The following SKAP1 variants were observed in gnomAD, a reference collection of about 807,000 sequenced individuals.
SKAP1 encodes src kinase associated phosphoprotein 1.
In SKAP1, 44 loss-of-function variants were observed where a neutral mutation model predicts 58.5. The ratio of observed to expected loss-of-function variants is 0.75; its 90% CI spans 0.59 to 0.97. The LOEUF is 0.97. Ranked by LOEUF, SKAP1 falls within the 50% of genes least tolerant of loss-of-function variation. SKAP1 has a pLI of 0.00. For missense variants in SKAP1, 390 were observed against 435.2 expected (o/e 0.90, Z 0.92); for synonymous variants, 127 against 149.7 (o/e 0.85, Z 1.11).
At chr17:48,379,739 T>A (rs1010650311) in intron 2 of SKAP1, among the ~76,000 whole-genome samples, 2 of 150,558 alleles carry the variant, frequency 1.3e-5, no homozygotes, top group Admixed American at 6.7e-5. Flanking sequence ...TGGAGTGCAG[T>A]GGCATAATCT....
At chr17:48,241,575 T>C (rs1486857753) in intron 4 of SKAP1, among the ~76,000 whole-genome samples, 1 of 152,082 alleles carries the variant, frequency 6.6e-6, no homozygotes, top group African/African-American at 2.4e-5. Context: ...ATGCCTCACA[T>C]GGATCATGCA....
chr17:48,319,277 T>A (rs532951625), intron 4 of SKAP1, among the ~76,000 whole-genome samples: 1 of 152,280 alleles, frequency 6.6e-6, no homozygotes, highest in Admixed American at 6.5e-5. Context: ...ACCCTTTCTA[T>A]AGTCCTGGAG....
intron 1 of SKAP1, among the ~76,000 whole-genome samples, chr17:48,406,808 C>T (rs562515942): frequency 8.6e-5 from 13 of 152,002 alleles, no homozygotes; most frequent in African/African-American, 1.5e-4. Flanking sequence ...TCAAGTGATC[C>T]GCCCGCCTCG....
At chr17:48,160,329 G>A (rs576988334) in intron 11 of SKAP1, among the ~76,000 whole-genome samples, 1 of 151,926 alleles carries the variant, frequency 6.6e-6, no homozygotes, top group Admixed American at 6.5e-5. Context: ...GTAGAGATGG[G>A]ATCCTGCTAT....
At chr17:48,415,897 G>C (rs895905768) in intron 1 of SKAP1, among the ~76,000 whole-genome samples, 5 of 152,100 alleles carry the variant, frequency 3.3e-5, no homozygotes, top group Non-Finnish European at 5.9e-5. Context: ...ACTAACAAGA[G>C]GAAGCAAGTA....
intron 4 of SKAP1, among the ~76,000 whole-genome samples, chr17:48,206,776 C>G (rs957336507): frequency 2.0e-5 from 3 of 151,958 alleles, no homozygotes; most frequent in Non-Finnish European, 4.4e-5. Flanking sequence ...AAAGGGGTTG[C>G]CTCTGGAAAG....
chr17:48,420,493 A>C (rs900825315), intron 1 of SKAP1, among the ~76,000 whole-genome samples: 1 of 152,152 alleles, frequency 6.6e-6, no homozygotes, highest in Non-Finnish European at 1.5e-5. Flanking sequence ...TTTACTTTAG[A>C]TAGGATAAAG....
intron 11 of SKAP1, among the ~76,000 whole-genome samples, chr17:48,140,811 C>T (rs1476550366): frequency 6.9e-6 from 1 of 145,438 alleles, no homozygotes; most frequent in Non-Finnish European, 1.5e-5. Flanking sequence ...GAGTCTTGCT[C>T]TCTGTTACCC....
chr17:48,286,243 G>A (rs1350224572), intron 4 of SKAP1, among the ~76,000 whole-genome samples: 1 of 152,200 alleles, frequency 6.6e-6, no homozygotes, highest in Non-Finnish European at 1.5e-5. Context: ...TGGGATTATT[G>A]TTAGACCACA....
intron 2 of SKAP1, among the ~76,000 whole-genome samples, chr17:48,395,358 A>T (rs1041385693): frequency 1.3e-5 from 2 of 152,180 alleles, no homozygotes; most frequent in African/African-American, 4.8e-5. Context: ...GTATTTTTGC[A>T]TTCCTTATCA....
intron 4 of SKAP1, among the ~76,000 whole-genome samples, chr17:48,252,992 T>C (rs2065383191): frequency 6.6e-6 from 1 of 152,064 alleles, no homozygotes. Flanking sequence ...GTTGTCTAGG[T>C]TTTAAGACCA....
At chr17:48,303,953 CA>C (rs747847161) in intron 4 of SKAP1, among the ~76,000 whole-genome samples, 158 of 152,230 alleles carry the variant, frequency 1.0e-3, no homozygotes, top group Non-Finnish European at 1.4e-3. Flanking sequence ...TGTGAGATTT[CA>C]TATTTTGTTT....
At chr17:48,159,993 A>G (rs2064044870) in intron 11 of SKAP1, among the ~76,000 whole-genome samples, 1 of 152,214 alleles carries the variant, frequency 6.6e-6, no homozygotes, top group Non-Finnish European at 1.5e-5. Context: ...GGAAAGAAAT[A>G]TGCTACTATT....
chr17:48,402,513 A>G (rs922633329), intron 1 of SKAP1, among the ~76,000 whole-genome samples: 1 of 152,098 alleles, frequency 6.6e-6, no homozygotes, highest in African/African-American at 2.4e-5. Context: ...TATTTTTAGT[A>G]GAGATGGGGT....
chr17:48,272,229 T>A (rs942555613), intron 4 of SKAP1, among the ~76,000 whole-genome samples: 1 of 151,862 alleles, frequency 6.6e-6, no homozygotes, highest in African/African-American at 2.4e-5. Flanking sequence ...TCTACTGGGT[T>A]CAAGAAATTC....
chr17:48,225,582 T>G (rs2065058631), intron 4 of SKAP1, among the ~76,000 whole-genome samples: 1 of 152,214 alleles, frequency 6.6e-6, no homozygotes, highest in Admixed American at 6.5e-5. Context: ...GGAGGGCCCA[T>G]GACCTAAGTA....
chr17:48,388,145 A>G (rs939419292), intron 2 of SKAP1, among the ~76,000 whole-genome samples: 1 of 152,118 alleles, frequency 6.6e-6, no homozygotes, highest in Admixed American at 6.6e-5. Context: ...TTATAACATT[A>G]TATTATGGGG....
chr17:48,239,895 C>T (rs969648180), intron 4 of SKAP1, among the ~76,000 whole-genome samples: 4 of 149,150 alleles, frequency 2.7e-5, no homozygotes, highest in South Asian at 2.1e-4. Context: ...TGAATCATGG[C>T]CTCTAAGAAA....
chr17:48,215,828 T>TC (rs1567824290), intron 4 of SKAP1, among the ~76,000 whole-genome samples: 4 of 152,088 alleles, frequency 2.6e-5, no homozygotes, highest in Non-Finnish European at 4.4e-5. Flanking sequence ...TCACCAGCTC[T>TC]CCCTGGTTCT....
Sources: gnomAD v4.1 joint callset for allele counts (sites outside exome capture counted in the v4.1 genomes callset) on GRCh38, gnomAD v4.1.1 for gene constraint, MANE v1.5 for transcripts, NCBI Gene and HGNC (gene_info 2026-07-23, HGNC 2026-07-21) for gene names.